Variants in RIT2 observed in about 807,000 individuals in gnomAD.
RIT2 encodes the protein GTP-binding protein Rit2.
A neutral mutation model predicts 23.7 loss-of-function variants in RIT2; 24 were observed. That is an observed-to-expected ratio of 1.01 (90% CI 0.73 to 1.43). The LOEUF (loss-of-function observed/expected upper bound fraction) is 1.43, where lower values mean the gene tolerates loss of function less well. Ranked by LOEUF, RIT2 falls within the 40% of genes most tolerant of loss-of-function variation. RIT2 has a pLI of 0.00. For missense variants in RIT2, 236 were observed against 266.9 expected, an observed-to-expected ratio of 0.88 and a Z score of 0.81; for synonymous variants, 107 against 91.1, an observed-to-expected ratio of 1.17 and a Z score of -0.99.
chr18:42,963,718 C>A (rs1347243340), intron 3 of RIT2, among the ~76,000 whole-genome samples: 2 of 152,004 alleles, frequency 1.3e-5, no homozygotes, highest in African/African-American at 4.8e-5. Context: ...CATGGTGAAA[C>A]CCCATTTCTA....
intron 4 of RIT2, among the ~76,000 whole-genome samples, chr18:42,911,441 T>C (rs943685468): frequency 1.3e-5 from 2 of 151,920 alleles, no homozygotes; most frequent in Non-Finnish European, 2.9e-5. Flanking sequence ...CAGACATAAA[T>C]TGAGACAAGA....
intron 1 of RIT2, among the ~76,000 whole-genome samples, chr18:43,047,911 G>A (rs932109023): frequency 6.6e-6 from 1 of 152,132 alleles, no homozygotes. Context: ...ACCCATCATG[G>A]AGTGGAGGCT....
intron 4 of RIT2, among the ~76,000 whole-genome samples, chr18:42,869,726 A>G (rs980362005): frequency 6.6e-6 from 1 of 152,202 alleles, no homozygotes; most frequent in African/African-American, 2.4e-5. Context: ...ACACACCAAA[A>G]GTCCAACACA....
At chr18:42,933,680 G>C (rs1195133848) in intron 3 of RIT2, among the ~76,000 whole-genome samples, 1 of 151,938 alleles carries the variant, frequency 6.6e-6, no homozygotes, top group Non-Finnish European at 1.5e-5. Context: ...CACCATGATC[G>C]AAAACTTTGT....
In RIT2 at chr18:42,743,440, A is replaced by G; in HGVS notation, c.*53T>C. ...TATTGAAGCAGAATGCTACATATGG[A>G]ATTGTCCAACTAATAAAATTCAGAG... On this transcript the variant is annotated 3_prime_UTR_variant, in exon 5 of 5. Coordinates refer to ENST00000326695, the MANE Select transcript of RIT2 (RefSeq NM_002930.4). 8.0e-7 allele frequency: 1 copy of G among 1,254,700 alleles called. No homozygotes were observed. The highest frequency in any genetic ancestry group is 1.5e-5 in the African/African-American group (1 of 66,720). 77.7% of individuals were successfully genotyped at this position (1,254,700 alleles called of 1,614,324 possible).
intron 4 of RIT2, among the ~76,000 whole-genome samples, chr18:42,826,458 GT>G (rs1420990147): frequency 6.6e-6 from 1 of 151,992 alleles, no homozygotes; most frequent in African/African-American, 2.4e-5. Flanking sequence ...AAAATTTTAC[GT>G]TTATATCTTC....
chr18:43,052,018 C>T (rs995706944), intron 1 of RIT2, among the ~76,000 whole-genome samples: 7 of 152,188 alleles, frequency 4.6e-5, no homozygotes, highest in Middle Eastern at 3.4e-3. Flanking sequence ...ACCCAGGACT[C>T]TGCCAAAGTT....
At chr18:42,922,104 A>AT (rs1398035473) in intron 4 of RIT2, among the ~76,000 whole-genome samples, 1 of 152,144 alleles carries the variant, frequency 6.6e-6, no homozygotes, top group Non-Finnish European at 1.5e-5. Flanking sequence ...ATTAGCTGCC[A>AT]TTTTAAGATG....
chr18:42,939,527 A>C (rs1909542695), intron 3 of RIT2, among the ~76,000 whole-genome samples: 1 of 152,190 alleles, frequency 6.6e-6, no homozygotes, highest in East Asian at 1.9e-4. Flanking sequence ...AAAGCCACAG[A>C]TAATTACCCA....
chr18:42,985,007 T>G (rs1171591599), intron 2 of RIT2, among the ~76,000 whole-genome samples: 1 of 152,036 alleles, frequency 6.6e-6, no homozygotes, highest in Non-Finnish European at 1.5e-5. Context: ...TGAAAAATAT[T>G]GTTTGGGCAG....
intron 2 of RIT2, among the ~76,000 whole-genome samples, chr18:43,033,498 T>G (rs1170494683): frequency 6.6e-6 from 1 of 152,170 alleles, no homozygotes; most frequent in Non-Finnish European, 1.5e-5. Context: ...GAGTACAATT[T>G]TATTATCCAG....
intron 4 of RIT2, among the ~76,000 whole-genome samples, chr18:42,847,969 T>C (rs563438414): frequency 6.6e-6 from 1 of 151,066 alleles, no homozygotes; most frequent in South Asian, 2.1e-4. Context: ...AGTATTATGA[T>C]AGACACTGTG....
intron 4 of RIT2, among the ~76,000 whole-genome samples, chr18:42,788,108 A>G (rs1356551878): frequency 6.6e-6 from 1 of 152,130 alleles, no homozygotes; most frequent in Non-Finnish European, 1.5e-5. Flanking sequence ...TGAAAAAAGT[A>G]ATTACAATTT....
chr18:42,998,934 T>C (rs1260646642), intron 2 of RIT2, among the ~76,000 whole-genome samples: 1 of 152,110 alleles, frequency 6.6e-6, no homozygotes, highest in Non-Finnish European at 1.5e-5. Flanking sequence ...ACCAGGTTAC[T>C]GCAGGGAATT....
At chr18:42,819,881 G>A (rs192770866) in intron 4 of RIT2, among the ~76,000 whole-genome samples, 3 of 152,174 alleles carry the variant, frequency 2.0e-5, no homozygotes, top group East Asian at 3.9e-4. Flanking sequence ...CAAAGGATTC[G>A]TTTCAGGATC....
chr18:42,939,680 GA>G (rs1020469552), intron 3 of RIT2, among the ~76,000 whole-genome samples: 2 of 149,340 alleles, frequency 1.3e-5, no homozygotes, highest in African/African-American at 2.5e-5. Flanking sequence ...TTTTTGCAAA[GA>G]AAAAAAAATG....
At chr18:42,770,700 C>T (rs1052733664) in intron 4 of RIT2, among the ~76,000 whole-genome samples, 4 of 151,312 alleles carry the variant, frequency 2.6e-5, no homozygotes, top group African/African-American at 9.7e-5. Context: ...TGCCAATTCA[C>T]AATGGGTTGG....
At chr18:42,838,296 T>A (rs571674558) in intron 4 of RIT2, among the ~76,000 whole-genome samples, 21 of 152,206 alleles carry the variant, frequency 1.4e-4, no homozygotes, top group African/African-American at 5.1e-4. Flanking sequence ...CTTCTACTTT[T>A]TCAGTCTTTT....
chr18:42,800,731 CTG>C (rs2143961746), intron 4 of RIT2, among the ~76,000 whole-genome samples: 1 of 152,104 alleles, frequency 6.6e-6, no homozygotes, highest in South Asian at 2.1e-4. Context: ...CGGGGTTTTA[CTG>C]TGTTAGCCAG....
Sources: allele counts gnomAD v4.1 joint callset (sites outside exome capture counted in the v4.1 genomes callset), GRCh38; gene constraint gnomAD v4.1.1; transcripts MANE v1.5; gene names NCBI Gene and HGNC (gene_info 2026-07-23, HGNC 2026-07-21).